Variants in COLQ observed in about 807,000 individuals in gnomAD.
COLQ encodes collagen like tail subunit of asymmetric acetylcholinesterase.
A neutral mutation model predicts 69.0 loss-of-function variants in COLQ; 48 were observed. That is an observed-to-expected ratio of 0.70 (90% CI 0.55 to 0.88). The LOEUF is 0.88. COLQ is among the 40% of genes least tolerant of loss of function. The pLI, the probability that COLQ is intolerant of heterozygous loss-of-function variation, is 0.00. For synonymous variants in COLQ, 217 were observed against 211.2 expected (o/e 1.03, Z -0.24); for missense variants, 618 against 594.6 (o/e 1.04, Z -0.41).
chr3:15,493,725 C>T (rs143080573), intron 1 of COLQ, among the ~76,000 whole-genome samples: 317 of 152,338 alleles, frequency 2.1e-3, no homozygotes, highest in African/African-American at 7.3e-3. Context: ...GGGTCTGTCA[C>T]CAGCTCAACA....
intron 12 of COLQ, among the ~76,000 whole-genome samples, chr3:15,461,599 G>T (rs2062115491): frequency 6.6e-6 from 1 of 152,156 alleles, no homozygotes; most frequent in African/African-American, 2.4e-5. Flanking sequence ...GAATCTAGGA[G>T]AGGGCAGAGG....
intron 3 of COLQ, 25 bp from the exon 4 acceptor site, chr3:15,479,407 A>G (rs2062438833): frequency 6.2e-7 from 1 of 1,612,866 alleles, no homozygotes; most frequent in African/African-American, 1.3e-5. Context: ...TAAAAAGTGA[A>G]GAAAGTATAT....
rs2062755565 is a variant in COLQ, at chr3:15,497,034, GC to G, written c.107-7398del. 2.8e-4 allele frequency among the ~76,000 whole-genome samples: 37 copies of G among 133,590 alleles called. No individual in the cohort carries two copies. In the South Asian group the frequency reaches 7.4e-3, roughly 27 times the overall value. The allele number at this position is 133,590 out of a possible 152,430, so 87.6% of individuals were successfully genotyped here. A position where few individuals can be genotyped will look rare whatever the true frequency, so the allele number is the denominator to read the frequency against. On this transcript the variant is annotated intron_variant, in intron 1 of 16. Coordinates refer to ENST00000383788, the MANE Select transcript of COLQ (RefSeq NM_005677.4). ...CCCAAATCATCTCCAAAGTCCTTTT[GC>G]CTTTTTTTTTTTTTTTTTTTTTTTT...
chr3:15,515,773 T>C (rs2063053066), intron 1 of COLQ, among the ~76,000 whole-genome samples: 3 of 152,118 alleles, frequency 2.0e-5, no homozygotes, highest in Admixed American at 2.0e-4. Context: ...GCCACTGCAC[T>C]CCAGCCTGGG....
intron 1 of COLQ, among the ~76,000 whole-genome samples, chr3:15,501,236 T>C (rs1174290250): frequency 6.6e-6 from 1 of 152,230 alleles, no homozygotes; most frequent in Non-Finnish European, 1.5e-5. Context: ...CTGGGATTTA[T>C]CAGCCAGGCT....
chr3:15,501,068 C>A (rs2062822653), intron 1 of COLQ, among the ~76,000 whole-genome samples: 1 of 152,224 alleles, frequency 6.6e-6, no homozygotes, highest in Admixed American at 6.5e-5. Context: ...CCTTGGTGAA[C>A]AATCTTTGCC....
At chr3:15,455,287 G>T (rs533736152) in intron 15 of COLQ, among the ~76,000 whole-genome samples, 1 of 152,314 alleles carries the variant, frequency 6.6e-6, no homozygotes, top group South Asian at 2.1e-4. Flanking sequence ...CTCAGGGCCT[G>T]CATTCAACCT....
chr3:15,517,848 T>C (rs112980395), intron 1 of COLQ, among the ~76,000 whole-genome samples: 8 of 152,206 alleles, frequency 5.3e-5, no homozygotes, highest in African/African-American at 1.7e-4. Context: ...GGTCCATTCA[T>C]GTTCATCATA....
intron 11 of COLQ, among the ~76,000 whole-genome samples, chr3:15,469,736 T>G (rs895933679): frequency 2.6e-5 from 4 of 152,162 alleles, no homozygotes; most frequent in Non-Finnish European, 4.4e-5. Flanking sequence ...AAATAAGGCC[T>G]AGGCACTGGG....
At chr3:15,512,327 T>TACC in intron 1 of COLQ, among the ~76,000 whole-genome samples, 1 of 152,342 alleles carries the variant, frequency 6.6e-6, no homozygotes, top group East Asian at 1.9e-4. Context: ...CTCCTTCAGC[T>TACC]GTCACCAGCT....
chr3:15,521,140 G>A (rs1245989118), intron 1 of COLQ, among the ~76,000 whole-genome samples: 1 of 152,160 alleles, frequency 6.6e-6, no homozygotes, highest in Non-Finnish European at 1.5e-5. Flanking sequence ...AGCCCCCTTC[G>A]AAGAGGTCAG....
chr3:15,506,487 C>A (rs2062913045), intron 1 of COLQ: 1 of 152,170 alleles, frequency 6.6e-6, no homozygotes, highest in Admixed American at 6.5e-5. Flanking sequence ...TCTATGTATA[C>A]TTCTGGGAAT....
intron 3 of COLQ, among the ~76,000 whole-genome samples, chr3:15,482,202 T>G (rs1229402375): frequency 6.6e-6 from 1 of 152,204 alleles, no homozygotes; most frequent in African/African-American, 2.4e-5. Context: ...GAATACCCTT[T>G]ATTTCTTTCT....
intron 1 of COLQ, among the ~76,000 whole-genome samples, chr3:15,496,602 G>A (rs1286492537): frequency 6.6e-6 from 1 of 152,242 alleles, no homozygotes; most frequent in African/African-American, 2.4e-5. Context: ...AGCAGCACGT[G>A]GCTCAGCACC....
rs749999496 is a variant in COLQ at position 15,453,948 on chromosome 3, A to T, written c.1196-17T>A. On this transcript the variant is annotated splice_polypyrimidine_tract_variant and intron_variant, in intron 15 of 16. Coordinates refer to ENST00000383788, the MANE Select transcript of COLQ (RefSeq NM_005677.4). ...GGTGACAGCCTGAGGGGACATAAGG[A>T]GGTGCAGTCTTGAGAAGGAGCAGAG... 14 of 1,574,198 alleles carry T rather than the reference A, an allele frequency of 8.9e-6. No individual in the cohort carries two copies. Among genetic ancestry groups the T allele is most frequent in the Middle Eastern group, 3.4e-4 (2 of 5,970 alleles).
At chr3:15,453,663 C>T (rs1274311711) in intron 16 of COLQ, among the ~76,000 whole-genome samples, 166 bp downstream of exon 16, 2 of 152,104 alleles carry the variant, frequency 1.3e-5, no homozygotes, top group Non-Finnish European at 2.9e-5. Flanking sequence ...CAAGAGGGCA[C>T]GTGGTAGGCA....
intron 1 of COLQ, among the ~76,000 whole-genome samples, chr3:15,508,848 G>GA (rs2062945027): frequency 6.6e-6 from 1 of 151,586 alleles, no homozygotes; most frequent in South Asian, 2.1e-4. Context: ...TTAATTATAT[G>GA]AAAATTAAAA....
Position 15,451,230 on chromosome 3 carries a change from CA to C in COLQ, c.*413del, listed in dbSNP as rs534228650. On this transcript the variant is annotated 3_prime_UTR_variant, in exon 17 of 17. Coordinates refer to ENST00000383788, the MANE Select transcript of COLQ (RefSeq NM_005677.4). ...GAGAATGCCTGCACGTTTCGGTGGT[CA>C]GGGGCGGAGAGGCCTGTACTCCAGA... 1.5e-4 allele frequency: 39 copies of C among 268,868 alleles called. No homozygotes were observed. The highest frequency in any genetic ancestry group is 8.5e-4 in the African/African-American group (39 of 45,930). 16.7% of individuals were successfully genotyped at this position (268,868 alleles called of 1,614,324 possible).
At chr3:15,453,506 T>G (rs1157427288) in intron 16 of COLQ, among the ~76,000 whole-genome samples, 1 of 152,154 alleles carries the variant, frequency 6.6e-6, no homozygotes, top group Non-Finnish European at 1.5e-5. Flanking sequence ...CAGGAGACTA[T>G]GTAGTCATGG....
Sources: allele counts gnomAD v4.1 joint callset (sites outside exome capture counted in the v4.1 genomes callset), GRCh38; gene constraint gnomAD v4.1.1; transcripts MANE v1.5; gene names NCBI Gene and HGNC (gene_info 2026-07-23, HGNC 2026-07-21).